The following SLC25A36 variants were observed in gnomAD, a reference collection of about 807,000 sequenced individuals.
The protein encoded by SLC25A36 is epididymis secretory sperm binding protein.
SLC25A36 carries 24 observed loss-of-function variants against 35.3 expected under a neutral mutation model. The ratio of observed to expected loss-of-function variants is 0.68; its 90% CI spans 0.49 to 0.96. The LOEUF (loss-of-function observed/expected upper bound fraction) is 0.96. Ranked by LOEUF, SLC25A36 falls within the 40% of genes least tolerant of loss-of-function variation. SLC25A36 has a pLI of 0.00. For missense variants in SLC25A36, 294 were observed against 381.1 expected (o/e 0.77, Z 1.90); for synonymous variants, 141 against 132.2 (o/e 1.07, Z -0.46).
chr3:140,959,534 C>G lies in SLC25A36; in HGVS notation c.278C>G (p.Pro93Arg). 6.9e-7 allele frequency: 1 copy of G among 1,456,102 alleles called. No homozygotes were observed. 90.2% of individuals were successfully genotyped at this position (1,456,102 alleles called of 1,614,324 possible). A position where few individuals can be genotyped will look rare whatever the true frequency, so the allele number is the denominator to read the frequency against. ...GLGPNLVGVA[P>R]SRAIYFAAYS... ...GGCCCCAATTTAGTGGGGGTAGCCC[C>G]TTCCAGGTAAAAAAAAAAAAAAATT... The change falls in exon 3 of 7, where the codon CCT becomes CGT. Residue 93 changes from proline to arginine, a missense_variant. Around this residue, in one of 2 missense-constraint regions of SLC25A36, gnomAD observed 185 missense variants for 201.5 expected, o/e 0.92. Coordinates refer to ENST00000324194, the MANE Select transcript of SLC25A36 (RefSeq NM_001104647.3).
At chr3:140,943,851 A>G (rs540769740) in intron 1 of SLC25A36, among the ~76,000 whole-genome samples, 1 of 152,312 alleles carries the variant, frequency 6.6e-6, no homozygotes, top group South Asian at 2.1e-4. Context: ...TTGGATTAGG[A>G]TCATCATTTT....
chr3:140,950,700 A>G (rs1559810518), intron 1 of SLC25A36, among the ~76,000 whole-genome samples: 1 of 152,170 alleles, frequency 6.6e-6, no homozygotes. Flanking sequence ...TAATCTGGTC[A>G]CTTTTCCTCT....
intron 1 of SLC25A36, among the ~76,000 whole-genome samples, chr3:140,942,880 C>G (rs1484726398): frequency 6.6e-6 from 1 of 152,164 alleles, no homozygotes; most frequent in East Asian, 1.9e-4. Flanking sequence ...CCTTTGGGGT[C>G]AGATTCCTTT....
rs761325621 is a variant in SLC25A36 at position 140,976,409 on chromosome 3, A to G, written c.892A>G (p.Met298Val). 6.2e-7 allele frequency: 1 copy of G among 1,613,784 alleles called. No homozygotes were observed. Among genetic ancestry groups the G allele is most frequent in the Non-Finnish European group, 8.5e-7 (1 of 1,179,862 alleles). Residue 298 changes from methionine (M) to valine (V), a missense_variant, in exon 7 of 7, where the codon ATG (methionine) becomes GTG (valine). Coordinates refer to ENST00000324194, the MANE Select transcript of SLC25A36 (RefSeq NM_001104647.3). ...LVRQIPNTAIMMATYELVVYL... is the reference protein window; with the variant it reads ...LVRQIPNTAIVMATYELVVYL... ...GAGACAGATTCCAAACACAGCCATTATGATGGCCACCTATGAATTGGTGGT... is the reference window on the plus strand; with the variant it reads ...GAGACAGATTCCAAACACAGCCATTGTGATGGCCACCTATGAATTGGTGGT...
chr3:140,950,902 GTGTGTGTC>G (rs57953917), intron 1 of SLC25A36, among the ~76,000 whole-genome samples: 11 of 129,522 alleles, frequency 8.5e-5, no homozygotes, highest in Non-Finnish European at 1.1e-4. Flanking sequence ...GTGTGTCTCT[GTGTGTGTC>G]TGTGTGTCTG....
At chr3:140,958,987 T>A (rs1934557121) in intron 2 of SLC25A36, among the ~76,000 whole-genome samples, 1 of 145,570 alleles carries the variant, frequency 6.9e-6, no homozygotes, top group Non-Finnish European at 1.5e-5. Flanking sequence ...TGTGTGTGTG[T>A]GTGTGTGTGT....
At chr3:140,974,936 A>G (rs1934998015) in intron 6 of SLC25A36, among the ~76,000 whole-genome samples, 1 of 152,056 alleles carries the variant, frequency 6.6e-6, no homozygotes, top group East Asian at 1.9e-4. Flanking sequence ...TCAAAATAGG[A>G]CAGTATCAGC....
chr3:140,956,311 GT>G (rs768480245), intron 1 of SLC25A36, among the ~76,000 whole-genome samples: 1 of 152,126 alleles, frequency 6.6e-6, no homozygotes, highest in Non-Finnish European at 1.5e-5. Flanking sequence ...TTGCCAGATA[GT>G]TACTAAGCTG....
intron 1 of SLC25A36, among the ~76,000 whole-genome samples, chr3:140,951,116 G>C (rs1013492555): frequency 2.0e-5 from 3 of 152,118 alleles, no homozygotes; most frequent in Admixed American, 2.0e-4. Context: ...CCCTCTGCAA[G>C]CCTTTCTTCC....
At position 140,980,931 on chromosome 3, in the gene SLC25A36, T is replaced by C. The variant is rs760571813; in HGVS notation, c.*4478T>C. On this transcript the variant is annotated 3_prime_UTR_variant, in exon 7 of 7. Coordinates refer to ENST00000324194, the MANE Select transcript of SLC25A36 (RefSeq NM_001104647.3). ...ATAGAGTGCTGTGTTTATACAGTGG[T>C]GTCATGTGATTTCTTAATAGCCTAT... Among the ~76,000 whole-genome samples the C allele has an allele frequency of 4.6e-5, 7 of 152,216 alleles. No homozygotes were observed. The highest frequency in any genetic ancestry group is 1.0e-4 in the Non-Finnish European group (7 of 68,042).
In SLC25A36 at chr3:140,943,310, T is replaced by C. The variant is rs567158078; in HGVS notation, c.41+1215T>C. On this transcript the variant is annotated intron_variant, in intron 1 of 6. Transcript: ENST00000324194. ...CTTGCTTTGAGTTGGACATATGGAC[T>C]CTATTGAGCCAGTGATGGCAATACT... 6.6e-4 allele frequency among the ~76,000 whole-genome samples: 101 copies of C among 152,362 alleles called. 1 individual carries two copies. In the South Asian group the frequency reaches 0.02, roughly 30 times the overall value.
chr3:140,966,986 C>A (rs1242603442), intron 4 of SLC25A36: 1 of 456,288 alleles, frequency 2.2e-6, no homozygotes, highest in Non-Finnish European at 4.4e-6. Context: ...TCATCTCATG[C>A]TCCCCATCCG....
intron 1 of SLC25A36, among the ~76,000 whole-genome samples, chr3:140,955,426 A>G (rs895552822): frequency 1.3e-5 from 2 of 152,190 alleles, no homozygotes; most frequent in African/African-American, 4.8e-5. Flanking sequence ...TTTGGTTAGA[A>G]AGCAGTTCTA....
At chr3:140,965,642 TGTA>T (rs971489392) in intron 4 of SLC25A36, 6 of 151,852 alleles carry the variant, frequency 4.0e-5, no homozygotes, top group Non-Finnish European at 8.9e-5. Context: ...TTTTATTTGT[TGTA>T]GTGCATACTA....
rs1934579921 is a variant in SLC25A36, at chr3:140,959,629, A to T, written c.284+89A>T. 5.6e-6 allele frequency: 3 copies of T among 540,120 alleles called. No homozygotes were observed. In the Admixed American group the frequency reaches 1.3e-4, roughly 23 times the overall value. 33.5% of individuals were successfully genotyped at this position (540,120 alleles called of 1,614,324 possible). On this transcript the variant is annotated intron_variant, in intron 3 of 6. Coordinates refer to ENST00000324194, the MANE Select transcript of SLC25A36 (RefSeq NM_001104647.3). ...GATTTAATCATTTATAGATACAGTTAAATTTATAAATGTAGTATTCAATGT... is the reference window on the plus strand; with the variant it reads ...GATTTAATCATTTATAGATACAGTTTAATTTATAAATGTAGTATTCAATGT...
intron 1 of SLC25A36, 77 bp downstream of exon 1, chr3:140,942,172 GCCGA>G (rs1934021412): frequency 5.6e-6 from 1 of 178,868 alleles, no homozygotes; most frequent in South Asian, 1.4e-4. Flanking sequence ...GGCGAGGGGG[GCCGA>G]GGGGGGTGGG....
chr3:140,965,348 C>G (rs764019362), intron 4 of SLC25A36: 9 of 151,498 alleles, frequency 5.9e-5, no homozygotes, highest in Non-Finnish European at 1.0e-4. Flanking sequence ...AAAGATAGTT[C>G]TGTGAAAAAT....
chr3:140,950,883 CGTGT>C (rs531377561), intron 1 of SLC25A36, among the ~76,000 whole-genome samples: 6 of 144,044 alleles, frequency 4.2e-5, no homozygotes, highest in African/African-American at 1.7e-4. Flanking sequence ...TTTTATCCAG[CGTGT>C]GTGTGTGTGT....
intron 1 of SLC25A36, among the ~76,000 whole-genome samples, chr3:140,950,918 C>CTGTGTGTGTGTGTGTGTGTGTGTG (rs373375551): frequency 7.3e-6 from 1 of 136,376 alleles, no homozygotes; most frequent in African/African-American, 2.7e-5. Context: ...GTCTGTGTGT[C>CTGTGTGTGTGTGTGTGTGTGTGTG]TGTGTGTGTG....
Sources: allele counts gnomAD v4.1 joint callset (sites outside exome capture counted in the v4.1 genomes callset), GRCh38; gene constraint gnomAD v4.1.1; regional missense constraint gnomAD v4.1.1; transcripts MANE v1.5; gene names NCBI Gene and HGNC (gene_info 2026-07-23, HGNC 2026-07-21).